Variants in KCNAB2 observed in about 807,000 individuals in gnomAD.
KCNAB2 encodes voltage-gated potassium channel subunit beta-2.
KCNAB2 carries 29 observed loss-of-function variants against 63.6 expected under a neutral mutation model. The observed-to-expected ratio is 0.46, with a 90% CI of 0.34 to 0.62. The LOEUF (loss-of-function observed/expected upper bound fraction) is 0.62, where lower values mean the gene tolerates loss of function less well. Among genes scored for constraint, KCNAB2 ranks in the 20% least tolerant of loss-of-function variants. KCNAB2 has a pLI of 0.01. For synonymous variants in KCNAB2, 222 were observed against 224.2 expected (o/e 0.99, Z 0.09); for missense variants, 359 against 563.9 (o/e 0.64, Z 3.68).
intron 8 of KCNAB2, 139 bp downstream of exon 8, chr1:6,089,190 T>A (rs1413019281): frequency 2.2e-6 from 2 of 927,402 alleles, no homozygotes; most frequent in Non-Finnish European, 1.7e-6. Context: ...TGCTCTGGCC[T>A]GACCTTCTCC....
At chr1:5,993,271 T>A (rs1656662577) in intron 1 of KCNAB2, among the ~76,000 whole-genome samples, 1 of 151,710 alleles carries the variant, frequency 6.6e-6, no homozygotes, top group South Asian at 2.1e-4. Flanking sequence ...TCGCTGCCTG[T>A]CCCTGTGTCG....
chr1:6,053,839 T>C (rs1661583814), intron 2 of KCNAB2, among the ~76,000 whole-genome samples: 1 of 152,032 alleles, frequency 6.6e-6, no homozygotes. Flanking sequence ...CTCAGCACTT[T>C]AGGAGGCAGC....
At chr1:6,062,055 G>A (rs1448678520) in intron 2 of KCNAB2, among the ~76,000 whole-genome samples, 1 of 151,858 alleles carries the variant, frequency 6.6e-6, no homozygotes, top group African/African-American at 2.4e-5. Flanking sequence ...GCTCACGCCT[G>A]TAATCCCAGC....
At chr1:6,041,397 C>G, upstream of KCNAB2, 1 of 196,498 alleles carries the variant, frequency 5.1e-6, no homozygotes, top group Non-Finnish European at 1.1e-5. Context: ...AAGGCAGTGT[C>G]TGTCCTAAGA....
Position 6,084,541 on chromosome 1 carries a change from C to T in KCNAB2, c.381-663C>T, listed in dbSNP as rs545258587. On this transcript the variant is annotated intron_variant, in intron 5 of 15. Transcript: ENST00000378083. Reference sequence around the variant, plus strand: ...CTTTGAAAAAAGATACTTGTCCCGGCGCGGTGGCTCACGCCTGGAATCCCA... The same window carrying T: ...CTTTGAAAAAAGATACTTGTCCCGGTGCGGTGGCTCACGCCTGGAATCCCA... Among the ~76,000 whole-genome samples the T allele has an allele frequency of 1.6e-4, 25 of 152,358 alleles. 1 individual carries two copies. Among genetic ancestry groups the T allele is most frequent in the Non-Finnish European group, 3.1e-4 (21 of 68,034 alleles).
At position 6,066,356 on chromosome 1, in the gene KCNAB2, G is replaced by T. The variant is rs559330855; in HGVS notation, c.219-6399G>T. Among the ~76,000 whole-genome samples the T allele has an allele frequency of 7.9e-5, 12 of 152,296 alleles. No individual in the cohort carries two copies. The East Asian group carries it at 2.3e-3, about 29-fold the overall frequency. ...TCCCCACCTCCTCACTTTCGAGAGC[G>T]CATAAAATCTGCAAATCCCCATTTG... On this transcript the variant is annotated intron_variant, in intron 2 of 15. Transcript: ENST00000378083.
rs1378204506 is a variant in KCNAB2, at chr1:6,069,830, T to C, written c.219-2925T>C. On this transcript the variant is annotated intron_variant, in intron 2 of 15. Transcript: ENST00000378083. This position sits in a 1 kb window ranked among gnomAD's most constrained non-coding sequence, Gnocchi z 5.4. ...CAGGGAAACAAGTTGAGCAGGGTAA[T>C]TGCGGCATCACGTGGTGCCCTAGTT... Among the ~76,000 whole-genome samples the C allele has an allele frequency of 1.3e-5, 2 of 152,176 alleles. No homozygotes were observed. The highest frequency in any genetic ancestry group is 2.9e-5 in the Non-Finnish European group (2 of 68,028).
intron 1 of KCNAB2, among the ~76,000 whole-genome samples, chr1:6,015,484 G>A (rs115147270): frequency 0.012 from 1,868 of 152,276 alleles, 45 homozygotes; most frequent in African/African-American, 0.043. Flanking sequence ...TTGAGTAATC[G>A]TAATCGAGAT....
chr1:6,060,287 T>C (rs2100585901), intron 2 of KCNAB2, among the ~76,000 whole-genome samples: 1 of 152,348 alleles, frequency 6.6e-6, no homozygotes, highest in Non-Finnish European at 1.5e-5. Flanking sequence ...CACGGGTGGC[T>C]CAGGCCTTTC....
rs1463736747 is a variant in KCNAB2 at position 6,096,111 on chromosome 1, G to C, written c.948+487G>C. ...GGAGAACAAGGAGCAGGCCAAGAAA[G>C]TCTGCCCAGCCAGCAGTCTCAGCAC... is the stretch of plus-strand genomic sequence containing the variant. On this transcript the variant is annotated intron_variant, in intron 13 of 15. Transcript: ENST00000378083. The surrounding 1 kb of genome is among the most constrained non-coding windows in gnomAD (Gnocchi z 5.9). 4.4e-6 allele frequency: 2 copies of C among 457,384 alleles called. No individual in the cohort carries two copies. The highest frequency in any genetic ancestry group is 4.0e-5 in the African/African-American group (2 of 50,084). 28.3% of individuals were successfully genotyped at this position (457,384 alleles called of 1,614,324 possible).
Position 6,100,278 on chromosome 1 carries a change from G to T in KCNAB2, c.*1704G>T, listed in dbSNP as rs888956200. 3.8e-5 allele frequency: 19 copies of T among 498,222 alleles called. No individual in the cohort carries two copies. Among genetic ancestry groups the T allele is most frequent in the African/African-American group, 3.5e-4 (18 of 51,316 alleles). 30.9% of individuals were successfully genotyped at this position (498,222 alleles called of 1,614,324 possible). Reference sequence around the variant, plus strand: ...GACCCCCCTTCATGCTGCCCCTGGCGCCTAGAACCCTTGCCCCTCCTCATA... The same window carrying T: ...GACCCCCCTTCATGCTGCCCCTGGCTCCTAGAACCCTTGCCCCTCCTCATA... On this transcript the variant is annotated 3_prime_UTR_variant, in exon 16 of 16. Coordinates refer to ENST00000378083, the MANE Select transcript of KCNAB2 (RefSeq NM_001199862.2).
At chr1:6,062,658 G>T (rs1372773515) in intron 2 of KCNAB2, among the ~76,000 whole-genome samples, 1 of 152,136 alleles carries the variant, frequency 6.6e-6, no homozygotes, top group Admixed American at 6.5e-5. Flanking sequence ...TAGCTTCATA[G>T]CGCACACACA....
chr1:6,064,082 A>C (rs2100607538), intron 2 of KCNAB2, among the ~76,000 whole-genome samples: 1 of 152,298 alleles, frequency 6.6e-6, no homozygotes, highest in Non-Finnish European at 1.5e-5. Flanking sequence ...GTGGGATCCG[A>C]CGGTTTACCA....
chr1:6,042,526 C>G (rs1453136723), upstream of KCNAB2, among the ~76,000 whole-genome samples: 7 of 152,154 alleles, frequency 4.6e-5, no homozygotes, highest in Non-Finnish European at 1.0e-4. Context: ...GGCTGCCTCT[C>G]CCTCACCTGT....
At chr1:6,097,491 G>T in intron 15 of KCNAB2, 134 bp downstream of exon 15, 2 of 1,484,022 alleles carry the variant, frequency 1.3e-6, no homozygotes, top group Non-Finnish European at 1.8e-6. Flanking sequence ...CATCAGAGTT[G>T]TGCTCCTGGA....
At position 6,096,774 on chromosome 1, in the gene KCNAB2, A is replaced by C. The variant is rs1284097526; in HGVS notation, c.1069+18A>C. ...GGCCATAGGTAACGGTGGGGTCGCCATGGGGCCAGTGCCCCTGGGGAGAAC... is the reference window on the plus strand; with the variant it reads ...GGCCATAGGTAACGGTGGGGTCGCCCTGGGGCCAGTGCCCCTGGGGAGAAC... On this transcript the variant is annotated intron_variant, in intron 14 of 15. Transcript: ENST00000378083. The surrounding 1 kb of genome is among the most constrained non-coding windows in gnomAD (Gnocchi z 5.9). The C allele has an allele frequency of 6.4e-7, 1 of 1,556,732 alleles. No homozygotes were observed. The highest frequency in any genetic ancestry group is 1.2e-5 in the South Asian group (1 of 84,946).
chr1:6,051,098 C>T (rs1661344034), intron 1 of KCNAB2, among the ~76,000 whole-genome samples: 1 of 152,246 alleles, frequency 6.6e-6, no homozygotes, highest in Non-Finnish European at 1.5e-5. Flanking sequence ...GGAACCACCT[C>T]AAGAGACCAC....
intron 2 of KCNAB2, among the ~76,000 whole-genome samples, chr1:6,065,922 A>G (rs17029103): frequency 0.28 from 42,972 of 151,840 alleles, 6,543 homozygotes; most frequent in African/African-American, 0.4. Flanking sequence ...GGAAATCCTC[A>G]CTCCTCAAGG....
intron 1 of KCNAB2, among the ~76,000 whole-genome samples, chr1:6,002,072 A>C (rs963275695): frequency 3.9e-5 from 6 of 152,232 alleles, no homozygotes; most frequent in African/African-American, 7.2e-5. Context: ...CCCCCAGCTC[A>C]GCCTGACTGG....
Sources: allele counts gnomAD v4.1 joint callset (sites outside exome capture counted in the v4.1 genomes callset), GRCh38; gene constraint gnomAD v4.1.1; non-coding constraint Gnocchi (gnomAD v3.1); transcripts MANE v1.5; gene names NCBI Gene and HGNC (gene_info 2026-07-23, HGNC 2026-07-21).